Variants in KCNJ3 observed in about 807,000 individuals in gnomAD.
The protein encoded by KCNJ3 is potassium inwardly rectifying channel subfamily J member 3, also known as G protein-activated inward rectifier potassium channel 1.
In KCNJ3, 4 loss-of-function variants were observed where a neutral mutation model predicts 39.2. The observed-to-expected ratio is 0.10, with a 90% CI of 0.05 to 0.23. KCNJ3 has a LOEUF of 0.23. Among genes scored for constraint, KCNJ3 ranks in the 10% least tolerant of loss-of-function variants. The pLI is 1.00. For missense variants in KCNJ3, 276 were observed against 634.9 expected (o/e 0.43, Z 6.08); for synonymous variants, 230 against 237.4 (o/e 0.97, Z 0.29).
intron 1 of KCNJ3, among the ~76,000 whole-genome samples, chr2:154,704,658 A>G (rs1289641134): frequency 5.2e-4 from 79 of 152,140 alleles, no homozygotes; most frequent in Non-Finnish European, 5.9e-5. Flanking sequence ...GACAATGCCA[A>G]TAAAATTCTA....
At chr2:154,789,301 T>A (rs528564625) in intron 2 of KCNJ3, among the ~76,000 whole-genome samples, 1 of 152,198 alleles carries the variant, frequency 6.6e-6, no homozygotes, top group Admixed American at 6.6e-5. Context: ...TCCTTGTTTG[T>A]TGGAATACCA....
chr2:154,721,312 G>A (rs555208063), intron 2 of KCNJ3, among the ~76,000 whole-genome samples: 1 of 152,176 alleles, frequency 6.6e-6, no homozygotes, highest in African/African-American at 2.4e-5. Flanking sequence ...GTAGCACACT[G>A]ATCTATTGGT....
chr2:154,717,254 A>C lies in KCNJ3; in HGVS notation c.919+7435A>C, dbSNP rs149082920. Among the ~76,000 whole-genome samples the C allele has an allele frequency of 2.5e-3, 374 of 152,268 alleles. 2 individuals carry two copies. Among genetic ancestry groups the C allele is most frequent in the Non-Finnish European group, 4.2e-3 (284 of 68,010 alleles). ...TATGATGAGAGTGTAGAACAAGTCT[A>C]GGGGAACTGACTGGAGATGAGCCTA... On this transcript the variant is annotated intron_variant, in intron 2 of 2. Coordinates refer to ENST00000295101, the MANE Select transcript of KCNJ3 (RefSeq NM_002239.4).
chr2:154,740,872 A>T (rs1415539453), intron 2 of KCNJ3, among the ~76,000 whole-genome samples: 1 of 151,970 alleles, frequency 6.6e-6, no homozygotes, highest in Admixed American at 6.6e-5. Flanking sequence ...AATAATGCAA[A>T]TTGCAAATAA....
chr2:154,845,141 A>G (rs1687644437), intron 2 of KCNJ3, among the ~76,000 whole-genome samples: 1 of 152,146 alleles, frequency 6.6e-6, no homozygotes, highest in African/African-American at 2.4e-5. Context: ...ATTTTTTGAG[A>G]CAGAGTCTGC....
intron 2 of KCNJ3, among the ~76,000 whole-genome samples, chr2:154,849,071 A>C (rs1441201065): frequency 6.6e-6 from 1 of 152,134 alleles, no homozygotes; most frequent in African/African-American, 2.4e-5. Context: ...AACAGCATGA[A>C]TCCTCAAGCC....
chr2:154,821,655 T>TTTTTG, intron 2 of KCNJ3, among the ~76,000 whole-genome samples: 1 of 147,158 alleles, frequency 6.8e-6, no homozygotes, highest in Non-Finnish European at 1.5e-5. Flanking sequence ...TTTTTTTTTT[T>TTTTTG]TTTTGAGATG....
At chr2:154,823,457 C>T (rs1367442466) in intron 2 of KCNJ3, among the ~76,000 whole-genome samples, 1 of 150,412 alleles carries the variant, frequency 6.6e-6, no homozygotes, top group African/African-American at 2.4e-5. Context: ...GCAATAATCA[C>T]GGTTTGATTT....
At chr2:154,746,756 T>G (rs1166353917) in intron 2 of KCNJ3, among the ~76,000 whole-genome samples, 2 of 151,586 alleles carry the variant, frequency 1.3e-5, no homozygotes, top group African/African-American at 4.8e-5. Context: ...CATAAAGTCT[T>G]TTTAAAACTA....
At chr2:154,711,200 C>T (rs1362117478) in intron 2 of KCNJ3, among the ~76,000 whole-genome samples, 2 of 151,864 alleles carry the variant, frequency 1.3e-5, no homozygotes, top group Admixed American at 6.6e-5. Flanking sequence ...TTTTAAAATA[C>T]CATATATTGA....
chr2:154,782,088 TTCA>T (rs1686449848), intron 2 of KCNJ3, among the ~76,000 whole-genome samples: 1 of 152,166 alleles, frequency 6.6e-6, no homozygotes, highest in Non-Finnish European at 1.5e-5. Flanking sequence ...TTTTAGGAGC[TTCA>T]TCATGTTCAT....
rs1453721551 is a variant in KCNJ3, at chr2:154,799,925, G to A, written c.920-54802G>A. Among the ~76,000 whole-genome samples the A allele has an allele frequency of 2.6e-5, 4 of 152,188 alleles. No homozygotes were observed. The East Asian group carries it at 7.7e-4, about 29-fold the overall frequency. ...TGTAGTACGTTAGCAGATTTTAAGTGCAAAGGATAAGTAAAAGTAGAACCG... is the reference window on the plus strand; with the variant it reads ...TGTAGTACGTTAGCAGATTTTAAGTACAAAGGATAAGTAAAAGTAGAACCG... On this transcript the variant is annotated intron_variant, in intron 2 of 2. Coordinates refer to ENST00000295101, the MANE Select transcript of KCNJ3 (RefSeq NM_002239.4).
chr2:154,702,327 T>A (rs557440522), intron 1 of KCNJ3, among the ~76,000 whole-genome samples: 15 of 151,978 alleles, frequency 9.9e-5, no homozygotes, highest in South Asian at 2.1e-4. Flanking sequence ...TAATTTAATT[T>A]ACTAATTTTT....
At chr2:154,732,734 CGTT>C (rs1685467275) in intron 2 of KCNJ3, among the ~76,000 whole-genome samples, 1 of 152,086 alleles carries the variant, frequency 6.6e-6, no homozygotes, top group Admixed American at 6.6e-5. Context: ...ATCTTCTTTG[CGTT>C]GTTTTGCTAA....
At chr2:154,741,352 T>C (rs536938062) in intron 2 of KCNJ3, among the ~76,000 whole-genome samples, 1 of 152,070 alleles carries the variant, frequency 6.6e-6, no homozygotes, top group Non-Finnish European at 1.5e-5. Flanking sequence ...ATTTCCCTGA[T>C]GAGTTTAATT....
chr2:154,791,173 G>T (rs1022749566), intron 2 of KCNJ3, among the ~76,000 whole-genome samples: 10 of 151,980 alleles, frequency 6.6e-5, no homozygotes. Context: ...ATTTGGTTAA[G>T]ATTAGAGTCT....
intron 2 of KCNJ3, among the ~76,000 whole-genome samples, chr2:154,804,509 G>C (rs1410251239): frequency 6.6e-6 from 1 of 152,092 alleles, no homozygotes; most frequent in Non-Finnish European, 1.5e-5. Flanking sequence ...GAAATAGTCA[G>C]GTGAGTAAAA....
At chr2:154,791,467 A>G (rs1686632733) in intron 2 of KCNJ3, among the ~76,000 whole-genome samples, 1 of 151,990 alleles carries the variant, frequency 6.6e-6, no homozygotes, top group Non-Finnish European at 1.5e-5. Context: ...AAGAATGTGC[A>G]TTCAAGAGAG....
At chr2:154,793,685 T>G in intron 2 of KCNJ3, among the ~76,000 whole-genome samples, 1 of 152,052 alleles carries the variant, frequency 6.6e-6, no homozygotes, top group East Asian at 1.9e-4. Flanking sequence ...CCACTAGAAG[T>G]TTCTGATAAA....
Sources: gnomAD v4.1 joint callset for allele counts (sites outside exome capture counted in the v4.1 genomes callset) on GRCh38, gnomAD v4.1.1 for gene constraint, MANE v1.5 for transcripts, NCBI Gene and HGNC (gene_info 2026-07-23, HGNC 2026-07-21) for gene names.